MEGF10: variants seen among roughly 807,000 people sequenced by gnomAD.
MEGF10 encodes the protein multiple EGF like domains 10.
Under a neutral mutation model 147.5 loss-of-function variants are expected in MEGF10, and 86 were observed. That is an observed-to-expected ratio of 0.58 (90% CI 0.49 to 0.70). MEGF10 has a LOEUF of 0.70. Ranked by LOEUF, MEGF10 falls within the 30% of genes least tolerant of loss-of-function variation. The probability of loss-of-function intolerance (pLI) is 0.00; values close to 1 mark genes in which losing one functional copy is unlikely to be tolerated. For synonymous variants in MEGF10, 478 were observed against 525.5 expected (o/e 0.91, Z 1.24); for missense variants, 1,329 against 1,487.3 (o/e 0.89, Z 1.75).
intron 7 of MEGF10, among the ~76,000 whole-genome samples, chr5:127,401,087 G>A (rs1433222377): frequency 3.3e-5 from 5 of 152,118 alleles, no homozygotes; most frequent in African/African-American, 1.2e-4. Context: ...GCTTATGTGG[G>A]ACCATTGTGG....
chr5:127,379,492 C>T (rs1304170561), intron 5 of MEGF10, among the ~76,000 whole-genome samples: 2 of 152,020 alleles, frequency 1.3e-5, no homozygotes, highest in African/African-American at 4.8e-5. Context: ...CAGTCTCTGC[C>T]CTTCATTTAT....
intron 4 of MEGF10, among the ~76,000 whole-genome samples, chr5:127,355,719 T>G (rs1762255401): frequency 6.6e-6 from 1 of 152,212 alleles, no homozygotes; most frequent in Non-Finnish European, 1.5e-5. Flanking sequence ...CTTTGTTGCT[T>G]TACTGATTGA....
At chr5:127,414,413 T>C (rs1655247771) in intron 9 of MEGF10, among the ~76,000 whole-genome samples, 1 of 152,056 alleles carries the variant, frequency 6.6e-6, no homozygotes, top group Non-Finnish European at 1.5e-5. Flanking sequence ...GCTCAGCACA[T>C]TGCTGAGACT....
intron 4 of MEGF10, among the ~76,000 whole-genome samples, chr5:127,349,590 A>G (rs575317445): frequency 9.2e-5 from 14 of 151,934 alleles, no homozygotes; most frequent in African/African-American, 3.4e-4. Context: ...GTGGAATCAG[A>G]CTTCGTCCTT....
At position 127,447,612 on chromosome 5, in the gene MEGF10, C is replaced by A; in HGVS notation, c.2784C>A (p.Pro928=). Reference sequence around the variant, plus strand: ...CTAATAGCCACTACTTCACCAATCCCAGTTACCACACGCTCACCCAGTGTG... The same window carrying A: ...CTAATAGCCACTACTTCACCAATCCAAGTTACCACACGCTCACCCAGTGTG... ...GNANSHYFTN[P]SYHTLTQCAT... is the part of the protein sequence containing the mutation. Residue 928 remains proline (P), a synonymous_variant, in exon 21 of 25, where the codon CCC becomes CCA. Coordinates refer to ENST00000503335, the MANE Select transcript of MEGF10 (RefSeq NM_001256545.2). 1 of 1,614,186 alleles carries A rather than the reference C, an allele frequency of 6.2e-7. No homozygotes were observed. The highest frequency in any genetic ancestry group is 8.5e-7 in the Non-Finnish European group (1 of 1,180,018).
chr5:127,270,344 T>C, the MEGF10 span, among the ~76,000 whole-genome samples: 1 of 151,866 alleles, frequency 6.6e-6, no homozygotes, highest in Non-Finnish European at 1.5e-5. Context: ...ACCCATCTCA[T>C]GTGCAGAGAC....
intron 5 of MEGF10, 123 bp from the exon 6 acceptor site, chr5:127,396,409 C>A: frequency 8.4e-7 from 1 of 1,189,400 alleles, no homozygotes; most frequent in Non-Finnish European, 1.1e-6. Context: ...GGGTTGGGGC[C>A]AGGGCCCTGA....
chr5:127,333,140 TATTTGGGAATATAG>T, intron 2 of MEGF10, among the ~76,000 whole-genome samples: 2 of 152,132 alleles, frequency 1.3e-5, no homozygotes, highest in East Asian at 3.9e-4. Flanking sequence ...GGCCTGGAAG[TATTTGGGAATATAG>T]ATTTGGGAAT....
At chr5:127,410,787 T>G (rs1254479618) in intron 9 of MEGF10, among the ~76,000 whole-genome samples, 186 bp downstream of exon 9, 1 of 152,248 alleles carries the variant, frequency 6.6e-6, no homozygotes, top group Non-Finnish European at 1.5e-5. Context: ...GGTCTACATT[T>G]GAGGTGCTAA....
In MEGF10 at chr5:127,449,091, T is replaced by C. The variant is rs201148765; in HGVS notation, c.2857-8T>C. On this transcript the variant is annotated splice_region_variant and splice_polypyrimidine_tract_variant and intron_variant, in intron 21 of 24. Coordinates refer to ENST00000503335, the MANE Select transcript of MEGF10 (RefSeq NM_001256545.2). Reference sequence around the variant, plus strand: ...TTTTTAATCTTTCGTTGTTTATATTTTTAACAGTCAAAAAACAATCAACTG... The same window carrying C: ...TTTTTAATCTTTCGTTGTTTATATTCTTAACAGTCAAAAAACAATCAACTG... 3.1e-6 allele frequency: 5 copies of C among 1,613,990 alleles called. No homozygotes were observed. In the South Asian group the frequency reaches 3.3e-5, roughly 11 times the overall value.
chr5:127,447,717 G>C, intron 21 of MEGF10, 33 bp downstream of exon 21: 1 of 1,613,220 alleles, frequency 6.2e-7, no homozygotes, highest in Non-Finnish European at 8.5e-7. Context: ...TTTGGAAGTG[G>C]GCTGGGGAGA....
the MEGF10 span, among the ~76,000 whole-genome samples, chr5:127,253,443 A>G: frequency 3.9e-5 from 6 of 152,040 alleles, no homozygotes; most frequent in African/African-American, 9.6e-5. Flanking sequence ...GCTGTGTTTA[A>G]TAAGTACTAA....
At chr5:127,362,337 T>G (rs1290627699) in intron 4 of MEGF10, among the ~76,000 whole-genome samples, 1 of 150,948 alleles carries the variant, frequency 6.6e-6, no homozygotes, top group East Asian at 1.9e-4. Flanking sequence ...TATGGTTTTT[T>G]TTTTTTTTTA....
At chr5:127,420,738 A>C (rs1010879928) in intron 12 of MEGF10, among the ~76,000 whole-genome samples, 1 of 152,144 alleles carries the variant, frequency 6.6e-6, no homozygotes, top group Admixed American at 6.5e-5. Flanking sequence ...CCCTTGACCT[A>C]CTTTGGAGAT....
At chr5:127,315,125 G>C (rs76886238) in intron 1 of MEGF10, among the ~76,000 whole-genome samples, 2,742 of 152,238 alleles carry the variant, frequency 0.018, 74 homozygotes, top group East Asian at 0.11. Context: ...TGCAAAGCTT[G>C]TGGCCCTGCT....
intron 1 of MEGF10, among the ~76,000 whole-genome samples, chr5:127,318,214 C>T (rs1024503474): frequency 6.6e-6 from 1 of 152,104 alleles, no homozygotes; most frequent in Non-Finnish European, 1.5e-5. Flanking sequence ...AATCTGCCAG[C>T]GCCTTGATTC....
At chr5:127,262,726 A>G in the MEGF10 span, among the ~76,000 whole-genome samples, 1 of 152,154 alleles carries the variant, frequency 6.6e-6, no homozygotes, top group Non-Finnish European at 1.5e-5. Flanking sequence ...AGAGAATTCT[A>G]AAATTGAGTC....
At chr5:127,301,536 G>T (rs1325691678) in intron 1 of MEGF10, among the ~76,000 whole-genome samples, 1 of 152,110 alleles carries the variant, frequency 6.6e-6, no homozygotes, top group African/African-American at 2.4e-5. Flanking sequence ...AAACACATGT[G>T]ATTAAAGTTG....
intron 4 of MEGF10, among the ~76,000 whole-genome samples, chr5:127,346,594 G>A (rs1016064113): frequency 3.3e-5 from 5 of 152,052 alleles, no homozygotes; most frequent in South Asian, 2.1e-4. Context: ...TGAGCTCCTC[G>A]TAGATTCTGA....
Sources: allele counts gnomAD v4.1 joint callset (sites outside exome capture counted in the v4.1 genomes callset), GRCh38; gene constraint gnomAD v4.1.1; transcripts MANE v1.5; gene names NCBI Gene and HGNC (gene_info 2026-07-23, HGNC 2026-07-21).